Variants in INPP4B observed in about 807,000 individuals in gnomAD.
The protein encoded by INPP4B is inositol polyphosphate 4-phosphatase type II.
INPP4B carries 55 observed loss-of-function variants against 122.5 expected under a neutral mutation model. The observed-to-expected ratio is 0.45, with a 90% CI of 0.36 to 0.56. INPP4B has a LOEUF of 0.56. INPP4B is among the 20% of genes least tolerant of loss of function. The pLI, the probability that INPP4B is intolerant of heterozygous loss-of-function variation, is 0.00. For missense variants in INPP4B, 1,000 were observed against 1,097.7 expected (o/e 0.91, Z 1.26); for synonymous variants, 403 against 388.7 (o/e 1.04, Z -0.43).
chr4:142,802,648 C>T (rs28542032), intron 1 of INPP4B, among the ~76,000 whole-genome samples: 6,060 of 152,172 alleles, frequency 0.04, 156 homozygotes, highest in African/African-American at 0.059. Flanking sequence ...TCAAAGAACT[C>T]GCCTACTAAA....
At chr4:142,629,262 C>T (rs1580553113) in intron 2 of INPP4B, among the ~76,000 whole-genome samples, 1 of 152,040 alleles carries the variant, frequency 6.6e-6, no homozygotes, top group East Asian at 1.9e-4. Flanking sequence ...TCCTGGAAAA[C>T]ACCAGTTTTC....
At chr4:142,222,178 T>C (rs1041277092) in intron 12 of INPP4B, among the ~76,000 whole-genome samples, 1 of 152,224 alleles carries the variant, frequency 6.6e-6, no homozygotes, top group Non-Finnish European at 1.5e-5. Flanking sequence ...CAAGCTGGTC[T>C]TGAACTCCTG....
chr4:142,379,984 G>C (rs947655363), intron 7 of INPP4B, among the ~76,000 whole-genome samples: 1 of 152,218 alleles, frequency 6.6e-6, no homozygotes, highest in Non-Finnish European at 1.5e-5. Flanking sequence ...CAGAGTACTT[G>C]AAAGTCGTAA....
At chr4:142,391,560 T>C (rs1415196725) in intron 7 of INPP4B, among the ~76,000 whole-genome samples, 9 of 151,936 alleles carry the variant, frequency 5.9e-5, no homozygotes, top group Admixed American at 3.9e-4. Context: ...AGACTGTGTC[T>C]CAAAACAAAC....
intron 2 of INPP4B, among the ~76,000 whole-genome samples, chr4:142,495,881 C>T (rs533924418): frequency 2.8e-4 from 42 of 152,254 alleles, no homozygotes; most frequent in Admixed American, 1.4e-3. Context: ...AGGAGTGATG[C>T]TTTGCTTAGG....
At chr4:142,195,375 T>A (rs2149383581) in intron 14 of INPP4B, among the ~76,000 whole-genome samples, 1 of 152,308 alleles carries the variant, frequency 6.6e-6, no homozygotes, top group East Asian at 1.9e-4. Flanking sequence ...GTGCCTATAG[T>A]TAATAACACT....
At chr4:142,249,333 G>C (rs1170649693) in intron 11 of INPP4B, among the ~76,000 whole-genome samples, 1 of 151,890 alleles carries the variant, frequency 6.6e-6, no homozygotes. Flanking sequence ...AGGGTCTATG[G>C]GCTGAAGTAC....
Position 142,306,502 on chromosome 4 carries a change from C to T in INPP4B, c.424-965G>A, listed in dbSNP as rs141367692. 3.8e-3 allele frequency among the ~76,000 whole-genome samples: 571 copies of T among 152,252 alleles called. 5 individuals are homozygous for T. The highest frequency in any genetic ancestry group is 0.013 in the African/African-American group (538 of 41,550). On this transcript the variant is annotated intron_variant, in intron 8 of 25. Coordinates refer to ENST00000262992, the MANE Select transcript of INPP4B (RefSeq NM_001101669.3). ...TCATCATAGGTCTGCTGCTGAGCTACACTAGAATGAGAGGCTGGACAAAGA... is the reference window on the plus strand; with the variant it reads ...TCATCATAGGTCTGCTGCTGAGCTATACTAGAATGAGAGGCTGGACAAAGA...
At chr4:142,294,868 G>A (rs530788703) in intron 9 of INPP4B, among the ~76,000 whole-genome samples, 10 of 68,168 alleles carry the variant, frequency 1.5e-4, no homozygotes, top group South Asian at 1.1e-3. Flanking sequence ...GCAGACTTAC[G>A]CCAGGCTGTG....
At chr4:142,252,625 T>C (rs866713439) in intron 11 of INPP4B, among the ~76,000 whole-genome samples, 13 of 152,238 alleles carry the variant, frequency 8.5e-5, no homozygotes, top group South Asian at 2.1e-4. Flanking sequence ...ACATTTAGCA[T>C]ACAGTTTAAT....
At chr4:142,650,551 A>T (rs547047291) in intron 2 of INPP4B, among the ~76,000 whole-genome samples, 1 of 152,152 alleles carries the variant, frequency 6.6e-6, no homozygotes, top group African/African-American at 2.4e-5. Context: ...GTAAAAAAAA[A>T]AAAGGCAGGG....
At chr4:142,162,590 A>G (rs1016364038) in intron 16 of INPP4B, among the ~76,000 whole-genome samples, 1 of 151,896 alleles carries the variant, frequency 6.6e-6, no homozygotes, top group African/African-American at 2.4e-5. Flanking sequence ...AGTCTCCACA[A>G]TACTCATATA....
At chr4:142,661,642 C>T (rs916355416) in intron 2 of INPP4B, among the ~76,000 whole-genome samples, 5 of 152,138 alleles carry the variant, frequency 3.3e-5, no homozygotes, top group Admixed American at 2.6e-4. Flanking sequence ...AAAAATACAA[C>T]GGGATCTTTC....
intron 9 of INPP4B, among the ~76,000 whole-genome samples, chr4:142,300,822 T>G (rs1400851936): frequency 2.0e-5 from 3 of 152,184 alleles, no homozygotes; most frequent in Non-Finnish European, 4.4e-5. Flanking sequence ...AAAACACTAC[T>G]GTAAATGTGG....
intron 7 of INPP4B, among the ~76,000 whole-genome samples, chr4:142,351,463 C>G (rs567731121): frequency 1.3e-5 from 2 of 152,104 alleles, no homozygotes; most frequent in East Asian, 3.9e-4. Context: ...CTGATGGACC[C>G]TGATTGATTC....
chr4:142,623,137 A>G (rs1271698395), intron 2 of INPP4B, among the ~76,000 whole-genome samples: 2 of 151,886 alleles, frequency 1.3e-5, no homozygotes, highest in Non-Finnish European at 2.9e-5. Flanking sequence ...TGATTTCCTT[A>G]TCTGAGGCTT....
At chr4:142,735,924 A>AACACACACAC (rs33993491) in intron 1 of INPP4B, among the ~76,000 whole-genome samples, 110 of 142,732 alleles carry the variant, frequency 7.7e-4, no homozygotes, top group South Asian at 2.4e-3. Context: ...TATACATTGC[A>AACACACACAC]ACACACACAC....
intron 2 of INPP4B, among the ~76,000 whole-genome samples, chr4:142,713,045 T>G (rs1471978409): frequency 6.6e-6 from 1 of 152,194 alleles, no homozygotes; most frequent in Non-Finnish European, 1.5e-5. Flanking sequence ...GAAGAATCTT[T>G]CTCTCTTAAA....
intron 2 of INPP4B, among the ~76,000 whole-genome samples, chr4:142,488,797 C>T (rs1821498765): frequency 6.6e-6 from 1 of 151,962 alleles, no homozygotes; most frequent in African/African-American, 2.4e-5. Flanking sequence ...GAGGTGCATC[C>T]TTCTGATTGA....
Sources: allele counts gnomAD v4.1 joint callset (sites outside exome capture counted in the v4.1 genomes callset), GRCh38; gene constraint gnomAD v4.1.1; transcripts MANE v1.5; gene names NCBI Gene and HGNC (gene_info 2026-07-23, HGNC 2026-07-21).